Variants in ADAMTSL1 observed in about 807,000 individuals in gnomAD.
The protein encoded by ADAMTSL1 is ADAMTS like 1, also known as ADAMTS-like protein 1.
A neutral mutation model predicts 201.8 loss-of-function variants in ADAMTSL1; 126 were observed. The observed-to-expected ratio is 0.62, with a 90% CI of 0.54 to 0.72. ADAMTSL1 has a LOEUF of 0.72. Among genes scored for constraint, ADAMTSL1 ranks in the 30% least tolerant of loss-of-function variants. The probability of loss-of-function intolerance (pLI) is 0.00; values close to 1 mark genes in which losing one functional copy is unlikely to be tolerated. For synonymous variants in ADAMTSL1, 1,121 were observed against 903.4 expected (o/e 1.24, Z -4.32); for missense variants, 2,679 against 2,277.8 (o/e 1.18, Z -3.59).
intron 1 of ADAMTSL1, among the ~76,000 whole-genome samples, chr9:18,481,196 G>C (rs1821711862): frequency 6.6e-6 from 1 of 152,212 alleles, no homozygotes; most frequent in South Asian, 2.1e-4. Context: ...AATATCCCTA[G>C]TTTCAAACAA....
At chr9:18,615,776 T>A (rs138743251) in intron 4 of ADAMTSL1, among the ~76,000 whole-genome samples, 72 of 152,332 alleles carry the variant, frequency 4.7e-4, no homozygotes, top group African/African-American at 1.7e-3. Flanking sequence ...GTTTCCTGAT[T>A]TGACAACTAT....
At chr9:18,577,096 T>G (rs774625866) in intron 4 of ADAMTSL1, among the ~76,000 whole-genome samples, 26 of 152,150 alleles carry the variant, frequency 1.7e-4, no homozygotes, top group Admixed American at 7.2e-4. Context: ...GAAATTCAGA[T>G]TTATTAATTC....
chr9:18,348,105 T>C (rs1835804221), intron 2 of ADAMTSL1, among the ~76,000 whole-genome samples: 2 of 152,224 alleles, frequency 1.3e-5, no homozygotes, highest in Admixed American at 6.5e-5. Context: ...CAATTGTAGA[T>C]TTAAATTTAG....
At chr9:18,790,915 G>A (rs1236287580) in intron 19 of ADAMTSL1, among the ~76,000 whole-genome samples, 2 of 152,118 alleles carry the variant, frequency 1.3e-5, no homozygotes, top group Non-Finnish European at 2.9e-5. Flanking sequence ...GGTCTTAATT[G>A]TACCCATTCT....
At chr9:18,700,655 G>A (rs886146391) in intron 13 of ADAMTSL1, among the ~76,000 whole-genome samples, 3 of 151,938 alleles carry the variant, frequency 2.0e-5, no homozygotes, top group African/African-American at 7.3e-5. Context: ...AAAATGATGA[G>A]GCAATATGGA....
intron 2 of ADAMTSL1, among the ~76,000 whole-genome samples, chr9:18,325,354 A>G (rs950076182): frequency 7.9e-5 from 12 of 152,244 alleles, no homozygotes; most frequent in African/African-American, 2.9e-4. Flanking sequence ...TCCATCAACA[A>G]TAGAATGGGT....
chr9:18,811,100 C>T (rs1823481607), intron 20 of ADAMTSL1, among the ~76,000 whole-genome samples: 1 of 148,200 alleles, frequency 6.7e-6, no homozygotes, highest in Non-Finnish European at 1.5e-5. Context: ...CATAGCAAGA[C>T]AGAAAACCTT....
chr9:18,712,858 G>C (rs1405967885), intron 14 of ADAMTSL1, among the ~76,000 whole-genome samples: 1 of 148,460 alleles, frequency 6.7e-6, no homozygotes, highest in Non-Finnish European at 1.5e-5. Flanking sequence ...AGAAAGGTCG[G>C]GTTACCCTCA....
At chr9:18,590,071 G>C (rs1379765728) in intron 4 of ADAMTSL1, among the ~76,000 whole-genome samples, 4 of 151,886 alleles carry the variant, frequency 2.6e-5, no homozygotes, top group Non-Finnish European at 5.9e-5. Context: ...GGGTAATGTT[G>C]GCCTCATTGG....
chr9:18,468,285 G>A (rs917364288), intron 2 of ADAMTSL1, among the ~76,000 whole-genome samples: 1 of 152,174 alleles, frequency 6.6e-6, no homozygotes, highest in Non-Finnish European at 1.5e-5. Flanking sequence ...TATCCTCCCG[G>A]TTCAGTTCAA....
chr9:18,853,908 TGTGTGTGTGTGCGC>T (rs1826672881), intron 23 of ADAMTSL1, among the ~76,000 whole-genome samples: 1 of 126,746 alleles, frequency 7.9e-6, no homozygotes, highest in South Asian at 2.9e-4. Flanking sequence ...TGTGTGTGTG[TGTGTGTGTGTGCGC>T]GTGCATGCAA....
intron 1 of ADAMTSL1, among the ~76,000 whole-genome samples, chr9:18,119,266 G>A (rs937091298): frequency 1.1e-4 from 17 of 151,990 alleles, no homozygotes; most frequent in African/African-American, 3.6e-4. Flanking sequence ...CTATGAATTA[G>A]GTCTTCCCTT....
intron 16 of ADAMTSL1, among the ~76,000 whole-genome samples, chr9:18,770,378 T>C (rs1820619712): frequency 6.6e-6 from 1 of 152,198 alleles, no homozygotes; most frequent in African/African-American, 2.4e-5. Context: ...AATTCCTGGA[T>C]GCTCTAGTTA....
intron 1 of ADAMTSL1, among the ~76,000 whole-genome samples, chr9:17,984,522 T>C (rs1027318172): frequency 5.9e-5 from 9 of 152,158 alleles, no homozygotes; most frequent in East Asian, 1.9e-4. Flanking sequence ...TATGTACCAA[T>C]TGACAAGTTA....
chr9:18,766,089 G>C (rs1204285207), intron 16 of ADAMTSL1, among the ~76,000 whole-genome samples: 2 of 134,056 alleles, frequency 1.5e-5, no homozygotes, highest in East Asian at 2.1e-4. Flanking sequence ...ACAGGGAAAG[G>C]GGGGGTGTCG....
intron 1 of ADAMTSL1, among the ~76,000 whole-genome samples, chr9:18,497,037 A>G (rs996325415): frequency 1.3e-5 from 2 of 152,162 alleles, no homozygotes; most frequent in African/African-American, 4.8e-5. Flanking sequence ...GTGATTCTTC[A>G]CTGTTTTCCT....
chr9:18,551,342 C>T (rs1290069555), intron 3 of ADAMTSL1, among the ~76,000 whole-genome samples: 2 of 151,684 alleles, frequency 1.3e-5, no homozygotes, highest in African/African-American at 2.4e-5. Context: ...GGACAATTTG[C>T]CTCTATGTTT....
At position 18,186,931 on chromosome 9, in the gene ADAMTSL1, A is replaced by G. The variant is rs893987292; in HGVS notation, c.207+22950A>G. ...AGGATGGGTTTGTCCAGTACCCCAT[A>G]ACTGGTAAATGGTGGAACCAGGACC... On this transcript the variant is annotated intron_variant, in intron 2 of 29. Coordinates refer to the ADAMTSL1 transcript ENST00000680146. Among the ~76,000 whole-genome samples the G allele has an allele frequency of 7.2e-5, 11 of 152,126 alleles. 1 individual carries two copies. The highest frequency in any genetic ancestry group is 4.1e-4 in the South Asian group (2 of 4,822).
chr9:18,712,117 C>A (rs538870611), intron 14 of ADAMTSL1, among the ~76,000 whole-genome samples: 1 of 147,734 alleles, frequency 6.8e-6, no homozygotes, highest in East Asian at 2.0e-4. Flanking sequence ...CATCAAAGAC[C>A]AAAAGTAGAT....
Sources: allele counts gnomAD v4.1 joint callset (sites outside exome capture counted in the v4.1 genomes callset), GRCh38; gene constraint gnomAD v4.1.1; transcripts MANE v1.5; gene names NCBI Gene and HGNC (gene_info 2026-07-23, HGNC 2026-07-21).